Variants in MBD5 observed in about 807,000 individuals in gnomAD.
The protein encoded by MBD5 is methyl-CpG-binding domain protein 5.
Under a neutral mutation model 117.3 loss-of-function variants are expected in MBD5, and 13 were observed. That is an observed-to-expected ratio of 0.11 (90% confidence interval 0.07 to 0.18). The LOEUF is 0.18. Ranked by LOEUF, MBD5 falls within the 10% of genes least tolerant of loss-of-function variation. MBD5 has a pLI of 1.00. For synonymous variants in MBD5, 727 were observed against 766.4 expected, an observed-to-expected ratio of 0.95 and a Z score of 0.85; for missense variants, 1,879 against 2,093.8, an observed-to-expected ratio of 0.90 and a Z score of 2.00.
In MBD5 at chr2:148,298,101, G is replaced by T. The variant is rs773647226; in HGVS notation, c.-679-44113G>T. Among the ~76,000 whole-genome samples, 59 of 152,316 alleles carry T rather than the reference G, an allele frequency of 3.9e-4. 1 individual carries two copies. The Middle Eastern group carries it at 0.014, about 35-fold the overall frequency. On this transcript the variant is annotated intron_variant, in intron 3 of 13. Coordinates refer to ENST00000642680, the MANE Select transcript of MBD5 (RefSeq NM_001378120.1). ...CCAGCATGGAACCTGTGCCCTAAGG[G>T]TGAGCTGGGGCATGGATGCTTTAAG...
At chr2:148,025,088 A>T (rs1208020331) in intron 1 of MBD5, 1 of 152,166 alleles carries the variant, frequency 6.6e-6, no homozygotes, top group Non-Finnish European at 1.5e-5. Context: ...ACTTGTCTGG[A>T]TTTTGACTGT....
At chr2:148,072,821 T>C (rs1296203185) in intron 1 of MBD5, among the ~76,000 whole-genome samples, 1 of 152,220 alleles carries the variant, frequency 6.6e-6, no homozygotes, top group African/African-American at 2.4e-5. Flanking sequence ...GTAATATTTC[T>C]TTTCAACAGT....
intron 4 of MBD5, among the ~76,000 whole-genome samples, chr2:148,349,568 G>T (rs964297954): frequency 7.9e-5 from 12 of 151,886 alleles, no homozygotes; most frequent in African/African-American, 2.9e-4. Context: ...TGACGGAGAA[G>T]AAAACAGCAT....
chr2:148,510,637 CT>C (rs1682188593), intron 13 of MBD5, among the ~76,000 whole-genome samples: 1 of 152,164 alleles, frequency 6.6e-6, no homozygotes, highest in Non-Finnish European at 1.5e-5. Flanking sequence ...GATGTAAATA[CT>C]TAAAATATAA....
chr2:148,211,228 G>A (rs1699415172), intron 2 of MBD5, among the ~76,000 whole-genome samples: 2 of 152,022 alleles, frequency 1.3e-5, no homozygotes, highest in Non-Finnish European at 1.5e-5. Flanking sequence ...AAAGCTGAAG[G>A]TTGTTCAAAG....
At chr2:148,086,281 A>T (rs1695790296) in intron 1 of MBD5, among the ~76,000 whole-genome samples, 1 of 152,096 alleles carries the variant, frequency 6.6e-6, no homozygotes, top group Admixed American at 6.6e-5. Context: ...TAGTATAGTC[A>T]TGTGACTCTG....
At chr2:148,389,656 T>C (rs960957838) in intron 4 of MBD5, among the ~76,000 whole-genome samples, 5 of 152,090 alleles carry the variant, frequency 3.3e-5, no homozygotes, top group Non-Finnish European at 7.4e-5. Context: ...CTCATTGTGG[T>C]TTTGATTTGT....
intron 2 of MBD5, among the ~76,000 whole-genome samples, chr2:148,184,324 C>G (rs1438449163): frequency 1.3e-5 from 2 of 152,068 alleles, no homozygotes; most frequent in African/African-American, 2.4e-5. Context: ...ATTTTTCTTT[C>G]TGAGTCTCCT....
intron 1 of MBD5, among the ~76,000 whole-genome samples, chr2:148,097,074 G>A (rs1377059371): frequency 6.6e-6 from 1 of 151,838 alleles, no homozygotes; most frequent in African/African-American, 2.4e-5. Context: ...TCTATAAAAA[G>A]GAATATTATA....
chr2:148,269,324 A>G (rs1298307967), intron 3 of MBD5, among the ~76,000 whole-genome samples: 1 of 151,756 alleles, frequency 6.6e-6, no homozygotes, highest in Non-Finnish European at 1.5e-5. Flanking sequence ...TTTAATAAGT[A>G]GGTTTAATGC....
intron 2 of MBD5, among the ~76,000 whole-genome samples, chr2:148,183,199 C>CATTTGATATATACTATATATCA (rs1341151366): frequency 2.6e-5 from 4 of 151,980 alleles, no homozygotes; most frequent in South Asian, 2.1e-4. Flanking sequence ...ATGTCCTCTA[C>CATTTGATATATACTATATATCA]ATTTGATATA....
At chr2:148,345,578 CAT>C in intron 4 of MBD5, among the ~76,000 whole-genome samples, 1 of 73,328 alleles carries the variant, frequency 1.4e-5, no homozygotes, top group African/African-American at 5.7e-5. Flanking sequence ...TATACACATA[CAT>C]ATGTATATAC....
At chr2:148,398,460 G>T (rs559584117) in intron 4 of MBD5, among the ~76,000 whole-genome samples, 2 of 152,132 alleles carry the variant, frequency 1.3e-5, no homozygotes, top group Non-Finnish European at 2.9e-5. Context: ...CTTTTGAGAA[G>T]TGTCTGTTCA....
At chr2:148,148,845 C>A (rs928261476) in intron 1 of MBD5, among the ~76,000 whole-genome samples, 1 of 152,154 alleles carries the variant, frequency 6.6e-6, no homozygotes, top group African/African-American at 2.4e-5. Flanking sequence ...TCATCTTCTA[C>A]ATTTATTTTT....
At chr2:148,286,312 A>G (rs1279598385) in intron 3 of MBD5, among the ~76,000 whole-genome samples, 2 of 152,218 alleles carry the variant, frequency 1.3e-5, no homozygotes, top group East Asian at 1.9e-4. Flanking sequence ...CTTTTAATAT[A>G]TAACTTTTAA....
chr2:148,079,756 C>T (rs1695598017), intron 1 of MBD5, among the ~76,000 whole-genome samples: 1 of 151,896 alleles, frequency 6.6e-6, no homozygotes, highest in Non-Finnish European at 1.5e-5. Context: ...ACTCTAGAGG[C>T]TGAGGTAGTA....
chr2:148,385,002 C>G (rs1704301477), intron 4 of MBD5, among the ~76,000 whole-genome samples: 2 of 152,082 alleles, frequency 1.3e-5, no homozygotes, highest in South Asian at 2.1e-4. Flanking sequence ...CTAAAACCAT[C>G]AAAAACCCTA....
chr2:148,145,028 T>A (rs1448396546), intron 1 of MBD5, among the ~76,000 whole-genome samples: 1 of 152,362 alleles, frequency 6.6e-6, no homozygotes, highest in East Asian at 1.9e-4. Flanking sequence ...AATCTATAAA[T>A]TACCTTGGGC....
chr2:148,485,628 T>C (rs993867090), intron 9 of MBD5, 114 bp from the exon 10 acceptor site: 2 of 784,776 alleles, frequency 2.5e-6, no homozygotes, highest in South Asian at 1.5e-5. Flanking sequence ...AGAAAAGCAT[T>C]ACCCAAGTAA....
Sources: gnomAD v4.1 joint callset for allele counts (sites outside exome capture counted in the v4.1 genomes callset) on GRCh38, gnomAD v4.1.1 for gene constraint, MANE v1.5 for transcripts, NCBI Gene and HGNC (gene_info 2026-07-23, HGNC 2026-07-21) for gene names.